WDR20: variants seen among roughly 807,000 people sequenced by gnomAD.
WDR20 encodes the protein WD repeat-containing protein 20.
Under a neutral mutation model 38.7 loss-of-function variants are expected in WDR20, and 3 were observed. That is an observed-to-expected ratio of 0.08 (90% confidence interval 0.04 to 0.20). The LOEUF is 0.20. WDR20 is among the 10% of genes least tolerant of loss of function. The pLI, the probability that WDR20 is intolerant of heterozygous loss-of-function variation, is 1.00. For synonymous variants in WDR20, 298 were observed against 285.6 expected (o/e 1.04, Z -0.44); for missense variants, 559 against 727.7 (o/e 0.77, Z 2.67).
At chr14:102,212,244 A>G (rs2062637433), downstream of WDR20, among the ~76,000 whole-genome samples, 1 of 152,208 alleles carries the variant, frequency 6.6e-6, no homozygotes, top group Non-Finnish European at 1.5e-5. Context: ...AGGCTTGATA[A>G]CAATCTTTTT....
chr14:102,140,507 G>A (rs1340481316), intron 1 of WDR20, among the ~76,000 whole-genome samples: 2 of 152,134 alleles, frequency 1.3e-5, no homozygotes, highest in African/African-American at 4.8e-5. Context: ...CCCCGGAAGA[G>A]GTGAGGTGGC....
intron 1 of WDR20, among the ~76,000 whole-genome samples, chr14:102,162,507 A>G (rs2058950468): frequency 2.0e-5 from 3 of 152,198 alleles, no homozygotes; most frequent in Admixed American, 6.5e-5. Flanking sequence ...ATTGGAACTA[A>G]TTTGTTGAAA....
chr14:102,139,656 G>A (rs1217776399), upstream of WDR20: 2 of 647,924 alleles, frequency 3.1e-6, no homozygotes, highest in South Asian at 2.0e-5. Flanking sequence ...CATCACCTGG[G>A]AAGCAGCCAT....
At chr14:102,219,563 C>T (rs2063644525), downstream of WDR20, among the ~76,000 whole-genome samples, 1 of 152,254 alleles carries the variant, frequency 6.6e-6, no homozygotes, top group Non-Finnish European at 1.5e-5. Context: ...CTTCGCTTCG[C>T]CTTCCGGTTA....
At chr14:102,189,705 A>C (rs990889391) in intron 1 of WDR20, among the ~76,000 whole-genome samples, 3 of 152,210 alleles carry the variant, frequency 2.0e-5, no homozygotes, top group Non-Finnish European at 2.9e-5. Context: ...TTGAAATCTC[A>C]GTGTGTAGAA....
At chr14:102,162,849 G>A (rs559418125) in intron 1 of WDR20, among the ~76,000 whole-genome samples, 1 of 152,138 alleles carries the variant, frequency 6.6e-6, no homozygotes, top group South Asian at 2.1e-4. Flanking sequence ...TGGACTCAAG[G>A]TATCTGCCTG....
At chr14:102,192,122 A>G (rs559190340) in intron 1 of WDR20, among the ~76,000 whole-genome samples, 2 of 152,310 alleles carry the variant, frequency 1.3e-5, no homozygotes, top group Admixed American at 6.5e-5. Context: ...TGACCTAAGA[A>G]GAAAGTTTGT....
At chr14:102,193,644 G>A in intron 1 of WDR20, 1 of 750,994 alleles carries the variant, frequency 1.3e-6, no homozygotes, top group Non-Finnish European at 2.0e-6. Flanking sequence ...AAAGACGCCT[G>A]TAATTTTGAG....
chr14:102,200,467 T>TTGTGTGTGTGTG (rs71395660), intron 2 of WDR20, among the ~76,000 whole-genome samples: 119 of 117,758 alleles, frequency 1.0e-3, no homozygotes, highest in African/African-American at 3.4e-3. Context: ...ATTTTTTTTT[T>TTGTGTGTGTGTG]TGTGTGTGTG....
chr14:102,197,379 G>A (rs982453483), intron 2 of WDR20, among the ~76,000 whole-genome samples: 3 of 152,190 alleles, frequency 2.0e-5, no homozygotes, highest in Non-Finnish European at 2.9e-5. Flanking sequence ...GCTAGCTGCC[G>A]CAGGAATTCT....
At chr14:102,140,785 C>G (rs748905068) in intron 1 of WDR20, among the ~76,000 whole-genome samples, 5 of 152,208 alleles carry the variant, frequency 3.3e-5, no homozygotes, top group Non-Finnish European at 7.3e-5. Flanking sequence ...GTCACTGTCT[C>G]CGCCGTGGGG....
downstream of WDR20, among the ~76,000 whole-genome samples, chr14:102,211,477 G>A (rs138521213): frequency 3.8e-4 from 58 of 152,232 alleles, no homozygotes; most frequent in Non-Finnish European, 6.9e-4. This position sits in a 1 kb window ranked among gnomAD's most constrained non-coding sequence, Gnocchi z 4.2. Context: ...GGGCCTTAAC[G>A]CAGTGGTTTC....
At chr14:102,145,945 A>G (rs80348989) in intron 1 of WDR20, among the ~76,000 whole-genome samples, 1 of 152,100 alleles carries the variant, frequency 6.6e-6, no homozygotes, top group East Asian at 1.9e-4. Flanking sequence ...AGAGGATTCT[A>G]AGGTTTTTCC....
chr14:102,157,367 TAAG>T (rs1164107012), intron 1 of WDR20: 1 of 152,190 alleles, frequency 6.6e-6, no homozygotes, highest in Non-Finnish European at 1.5e-5. Flanking sequence ...TGATTGAATA[TAAG>T]AAGGGTGACT....
chr14:102,195,161 G>A, intron 2 of WDR20, 41 bp downstream of exon 2: 1 of 1,596,330 alleles, frequency 6.3e-7, no homozygotes, highest in Non-Finnish European at 8.5e-7. Context: ...ATCCCTTTAA[G>A]AGTTGATACA....
chr14:102,191,737 G>C (rs1034378125), intron 1 of WDR20, among the ~76,000 whole-genome samples: 5 of 152,160 alleles, frequency 3.3e-5, no homozygotes, highest in African/African-American at 1.2e-4. Context: ...TTTGGTCAGT[G>C]CCACTGGAAA....
rs1470017736 is a variant in WDR20, at chr14:102,220,058, G to A, written c.1693-2772G>A. On this transcript the variant is annotated intron_variant, in intron 3 of 3. Transcript: ENST00000335263. This position sits in a 1 kb window ranked among gnomAD's most constrained non-coding sequence, Gnocchi z 4.2. ...AGAATAGGAAGCCTGCAGCCCTCGC[G>A]TTGGGTCGCTTTCTAGGGGTGCGGC... Among the ~76,000 whole-genome samples, 2 of 152,264 alleles carry A rather than the reference G, an allele frequency of 1.3e-5. No homozygotes were observed. The highest frequency in any genetic ancestry group is 4.8e-5 in the African/African-American group (2 of 41,478).
chr14:102,194,715 A>G (rs1451253402), intron 1 of WDR20, among the ~76,000 whole-genome samples: 1 of 152,258 alleles, frequency 6.6e-6, no homozygotes, highest in East Asian at 1.9e-4. Flanking sequence ...TGTGAAAGTA[A>G]CAGTTGTAAA....
At chr14:102,177,319 G>A (rs757575358) in intron 1 of WDR20, among the ~76,000 whole-genome samples, 5 of 152,052 alleles carry the variant, frequency 3.3e-5, no homozygotes, top group Non-Finnish European at 5.9e-5. Flanking sequence ...TACTTCTTAC[G>A]TTTACAGAAG....
Sources: gnomAD v4.1 joint callset for allele counts (sites outside exome capture counted in the v4.1 genomes callset) on GRCh38, gnomAD v4.1.1 for gene constraint, Gnocchi (gnomAD v3.1) non-coding constraint, MANE v1.5 for transcripts, NCBI Gene and HGNC (gene_info 2026-07-23, HGNC 2026-07-21) for gene names.